Variants in FAT4 observed in about 807,000 individuals in gnomAD.
FAT4 encodes FAT atypical cadherin 4.
Under a neutral mutation model 303.9 loss-of-function variants are expected in FAT4, and 84 were observed. The ratio of observed to expected loss-of-function variants is 0.28; its 90% CI spans 0.23 to 0.33. FAT4 has a LOEUF of 0.33. FAT4 is among the 10% of genes least tolerant of loss of function. The probability of loss-of-function intolerance (pLI) is 1.00; values close to 1 mark genes in which losing one functional copy is unlikely to be tolerated. For synonymous variants in FAT4, 2,307 were observed against 2,298.8 expected (o/e 1.00, Z -0.10); for missense variants, 6,005 against 6,146.8 (o/e 0.98, Z 0.77).
intron 2 of FAT4, among the ~76,000 whole-genome samples, chr4:125,392,748 A>G (rs12504612): frequency 0.15 from 22,830 of 152,204 alleles, 1,861 homozygotes; most frequent in South Asian, 0.27. Context: ...GTAGCCCATC[A>G]AATATTATTT....
chr4:125,349,733 A>G (rs1291380716), intron 2 of FAT4, among the ~76,000 whole-genome samples: 1 of 151,720 alleles, frequency 6.6e-6, no homozygotes, highest in African/African-American at 2.4e-5. Flanking sequence ...TTTGCTTGAC[A>G]TTCGTATCAT....
At chr4:125,424,908 C>CATG (rs1366887835) in intron 7 of FAT4, among the ~76,000 whole-genome samples, 1 of 152,068 alleles carries the variant, frequency 6.6e-6, no homozygotes, top group Non-Finnish European at 1.5e-5. Flanking sequence ...ACGAATCAGG[C>CATG]ATGAGTCCTA....
At chr4:125,405,996 G>A (rs1289780608) in intron 3 of FAT4, among the ~76,000 whole-genome samples, 4 of 151,606 alleles carry the variant, frequency 2.6e-5, no homozygotes, top group Admixed American at 6.6e-5. Flanking sequence ...TCATTTTCTC[G>A]ACTGTTTACT....
At chr4:125,443,389 T>G (rs952395253) in intron 8 of FAT4, among the ~76,000 whole-genome samples, 37 of 152,138 alleles carry the variant, frequency 2.4e-4, no homozygotes, top group African/African-American at 6.8e-4. Context: ...AATTGGTACA[T>G]TTTCCGTCTT....
At chr4:125,397,038 G>A (rs938385754) in intron 2 of FAT4, among the ~76,000 whole-genome samples, 3 of 150,960 alleles carry the variant, frequency 2.0e-5, no homozygotes, top group African/African-American at 7.3e-5. Flanking sequence ...GTATGTGCCA[G>A]TTGAACCTGT....
At chr4:125,325,643 T>C (rs1292627558) in intron 2 of FAT4, among the ~76,000 whole-genome samples, 1 of 152,236 alleles carries the variant, frequency 6.6e-6, no homozygotes, top group Non-Finnish European at 1.5e-5. Flanking sequence ...TGTGCACATA[T>C]TGCTTTGTGT....
intron 2 of FAT4, among the ~76,000 whole-genome samples, chr4:125,331,981 C>T (rs952346271): frequency 6.6e-6 from 1 of 152,106 alleles, no homozygotes; most frequent in Non-Finnish European, 1.5e-5. Flanking sequence ...TTATTTTCCT[C>T]ATTTGTAAAA....
At chr4:125,423,118 C>A (rs1169461448) in intron 7 of FAT4, among the ~76,000 whole-genome samples, 1 of 152,132 alleles carries the variant, frequency 6.6e-6, no homozygotes, top group Non-Finnish European at 1.5e-5. Context: ...AATTTGCAGC[C>A]TGAGATTGCA....
At position 125,317,751 on chromosome 4, in the gene FAT4, C is replaced by T. The variant is rs375105083; in HGVS notation, c.1340C>T (p.Pro447Leu). 5.6e-6 allele frequency: 9 copies of T among 1,614,024 alleles called. No homozygotes were observed. The highest frequency in any genetic ancestry group is 1.1e-5 in the South Asian group (1 of 91,084). The stretch of plus-strand genomic sequence containing the variant: ...TCCGTCTCTGATAACTACGGGGCGC[C>T]CCCTGGCGCAGCAGTCCAGGCGCGC... ...TVSVSDNYGAPPGAAVQARSS... is the reference protein window; with the variant it reads ...TVSVSDNYGALPGAAVQARSS... The change falls in exon 2 of 18, where the codon CCC becomes CTC. Residue 447 changes from proline (P) to leucine (L), a missense_variant. By Grantham distance (98) the Pro-to-Leu change is moderately conservative. Transcript: ENST00000394329. The surrounding 1 kb of genome is among the most constrained non-coding windows in gnomAD (Gnocchi z 7.0).
At position 125,319,325 on chromosome 4, in the gene FAT4, G is replaced by A. The variant is rs200459486; in HGVS notation, c.2914G>A (p.Gly972Ser). Residue 972 changes from glycine (G) to serine (S), a missense_variant, in exon 2 of 18, where the codon GGT becomes AGT. By Grantham distance (56) the Gly-to-Ser change is moderately conservative (BLOSUM62 0). Transcript: ENST00000394329. ...YQIEILASDM[G>S]VPQLSSSVIL... ...AATAGAGATCTTGGCATCTGACATGGGTGTCCCACAGCTCTCCTCTAGTGT... is the reference window on the plus strand; with the variant it reads ...AATAGAGATCTTGGCATCTGACATGAGTGTCCCACAGCTCTCCTCTAGTGT... 17 of 1,613,904 alleles carry A rather than the reference G, an allele frequency of 1.1e-5. No homozygotes were observed. The East Asian group carries it at 3.8e-4, about 36-fold the overall frequency.
chr4:125,452,670 C>T lies in FAT4; in HGVS notation c.11660C>T (p.Ser3887Leu). 1.2e-6 allele frequency: 2 copies of T among 1,614,112 alleles called. No homozygotes were observed. Among genetic ancestry groups the T allele is most frequent in the Admixed American group, 1.7e-5 (1 of 60,020 alleles). ...TGTCACAATTTAGTGGGAGGATTTT[C>T]ATGCAGCTGCCCAGATGGCTTCACT... ...GTCHNLVGGF[S>L]CSCPDGFTGR... Residue 3887 changes from serine (S) to leucine (L), a missense_variant, in exon 10 of 18, where the codon TCA becomes TTA. By Grantham distance (145) the Ser-to-Leu change is moderately radical. Transcript: ENST00000394329.
At chr4:125,368,091 T>C (rs1560781996) in intron 2 of FAT4, among the ~76,000 whole-genome samples, 2 of 152,162 alleles carry the variant, frequency 1.3e-5, no homozygotes, top group South Asian at 4.1e-4. Flanking sequence ...TGGAGCCATA[T>C]GAAGTACTAA....
Position 125,318,218 on chromosome 4 carries a change from T to A in FAT4, c.1807T>A (p.Leu603Met). 2 of 1,614,212 alleles carry A rather than the reference T, an allele frequency of 1.2e-6. No individual in the cohort carries two copies. The highest frequency in any genetic ancestry group is 1.7e-6 in the Non-Finnish European group (2 of 1,180,038). The stretch of plus-strand genomic sequence containing the variant: ...GAATGCCCCAACAGGGACAGAACTG[T>A]TGATGCTCAGGGCAACTGACGGGGA... ...VENAPTGTEL[L>M]MLRATDGDLG... Residue 603 changes from leucine (L) to methionine (M), a missense_variant, in exon 2 of 18, where the codon TTG becomes ATG. Coordinates refer to ENST00000394329, the MANE Select transcript of FAT4 (RefSeq NM_001291303.3).
chr4:125,357,101 T>A (rs888712480), intron 2 of FAT4, among the ~76,000 whole-genome samples: 1 of 152,036 alleles, frequency 6.6e-6, no homozygotes, highest in Non-Finnish European at 1.5e-5. Flanking sequence ...ATATAATGTA[T>A]TCCATATGTA....
chr4:125,403,942 G>A (rs1006181196), intron 3 of FAT4, among the ~76,000 whole-genome samples: 4 of 152,006 alleles, frequency 2.6e-5, no homozygotes, highest in Non-Finnish European at 5.9e-5. Flanking sequence ...AGAGCAAGAC[G>A]GCCAGGATTC....
rs566553487 is a variant in FAT4 at position 125,401,008 on chromosome 4, TGTGC to T, written c.5307+2095_5307+2098del. On this transcript the variant is annotated intron_variant, in intron 3 of 17. Coordinates refer to ENST00000394329, the MANE Select transcript of FAT4 (RefSeq NM_001291303.3). ...ACATTCTTATAACTCGATTTGTTTG[TGTGC>T]GAGTGTAGAAAGGCAGAGAGGATGG... is the stretch of plus-strand genomic sequence containing the variant. Among the ~76,000 whole-genome samples, 564 of 152,036 alleles carry T rather than the reference TGTGC, an allele frequency of 3.7e-3. 2 individuals carry two copies. The highest frequency in any genetic ancestry group is 0.013 in the African/African-American group (530 of 41,516).
At position 125,492,536 on chromosome 4, in the gene FAT4, T is replaced by C. The variant is rs1727688055; in HGVS notation, c.*768T>C. 1 of 152,274 alleles carries C rather than the reference T, an allele frequency of 6.6e-6. No individual in the cohort carries two copies. Among genetic ancestry groups the C allele is most frequent in the Non-Finnish European group, 1.5e-5 (1 of 68,036 alleles). 9.4% of individuals were successfully genotyped at this position (152,274 alleles called of 1,614,324 possible). On this transcript the variant is annotated 3_prime_UTR_variant, in exon 18 of 18. Transcript: ENST00000394329. ...ACTTCTAAGAAACACTCTTAAAAGT[T>C]ATTTATTGAAAATTTTTCGTATGCT...
chr4:125,482,799 A>G (rs1214691483), intron 16 of FAT4, among the ~76,000 whole-genome samples: 1 of 152,200 alleles, frequency 6.6e-6, no homozygotes, highest in Non-Finnish European at 1.5e-5. Context: ...TTCATCCTCA[A>G]AATTTTTCTC....
chr4:125,396,957 TATATATATAA>T (rs1278688128), intron 2 of FAT4, among the ~76,000 whole-genome samples: 1,064 of 66,976 alleles, frequency 0.016, 15 homozygotes, highest in Middle Eastern at 0.059. Flanking sequence ...TATATATATA[TATATATATAA>T]AATATGTATG....
Sources: allele counts gnomAD v4.1 joint callset (sites outside exome capture counted in the v4.1 genomes callset), GRCh38; gene constraint gnomAD v4.1.1; non-coding constraint Gnocchi (gnomAD v3.1); transcripts MANE v1.5; gene names NCBI Gene and HGNC (gene_info 2026-07-23, HGNC 2026-07-21).